Variants in CEP83 observed in about 807,000 individuals in gnomAD.
The protein encoded by CEP83 is centrosomal protein of 83 kDa.
In CEP83, 70 loss-of-function variants were observed where a neutral mutation model predicts 101.9. The observed-to-expected ratio is 0.69, with a 90% CI of 0.57 to 0.84. The LOEUF (loss-of-function observed/expected upper bound fraction) is 0.84, where lower values mean the gene tolerates loss of function less well. CEP83 is among the 40% of genes least tolerant of loss of function. The probability of loss-of-function intolerance (pLI) is 0.00; values close to 1 mark genes in which losing one functional copy is unlikely to be tolerated. For missense variants in CEP83, 715 were observed against 787.2 expected, an observed-to-expected ratio of 0.91 and a Z score of 1.10; for synonymous variants, 264 against 267.9, an observed-to-expected ratio of 0.99 and a Z score of 0.14.
intron 2 of CEP83, among the ~76,000 whole-genome samples, chr12:94,428,894 C>T (rs1269349285): frequency 1.3e-5 from 2 of 152,100 alleles, no homozygotes; most frequent in South Asian, 4.2e-4. Flanking sequence ...TTTCTAAGTA[C>T]CTTTAATATG....
intron 2 of CEP83, among the ~76,000 whole-genome samples, chr12:94,420,189 T>C (rs2064610939): frequency 6.6e-6 from 1 of 152,146 alleles, no homozygotes; most frequent in African/African-American, 2.4e-5. Flanking sequence ...TAGTGTAAAC[T>C]GGCATATTCA....
intron 2 of CEP83, among the ~76,000 whole-genome samples, chr12:94,416,038 C>CA (rs1179998037): frequency 6.6e-6 from 1 of 151,804 alleles, no homozygotes; most frequent in Non-Finnish European, 1.5e-5. Context: ...AAACTCAATA[C>CA]AAAAAATAAT....
chr12:94,449,052 A>C (rs1223211099), intron 1 of CEP83, among the ~76,000 whole-genome samples: 1 of 151,156 alleles, frequency 6.6e-6, no homozygotes, highest in African/African-American at 2.4e-5. Context: ...CACTATACTG[A>C]CCAAGAAAAT....
the CEP83 span, chr12:94,282,225 A>G: frequency 1.5e-5 from 14 of 955,806 alleles, no homozygotes; most frequent in Non-Finnish European, 2.0e-5. Flanking sequence ...AGTTTTAGTT[A>G]TCCATAAATT....
At chr12:94,268,922 T>A in the CEP83 span, among the ~76,000 whole-genome samples, 2 of 152,104 alleles carry the variant, frequency 1.3e-5, no homozygotes, top group South Asian at 4.2e-4. Context: ...CTCTGCTGGG[T>A]TTTTTTCCCC....
At chr12:94,319,785 T>C (rs952698019) in intron 14 of CEP83, among the ~76,000 whole-genome samples, 11 of 152,236 alleles carry the variant, frequency 7.2e-5, no homozygotes, top group African/African-American at 2.4e-4. Context: ...GTGGTCAATT[T>C]CAGAGTATGT....
At chr12:94,286,480 T>C in the CEP83 span, among the ~76,000 whole-genome samples, 1 of 152,132 alleles carries the variant, frequency 6.6e-6, no homozygotes. Context: ...GGGCTGAAGT[T>C]TGCTTTTACC....
chr12:94,351,873 G>T (rs867424162), intron 11 of CEP83, among the ~76,000 whole-genome samples: 10 of 152,246 alleles, frequency 6.6e-5, no homozygotes, highest in Middle Eastern at 3.4e-3. Context: ...CAACACCAAA[G>T]ACATGAGATT....
the CEP83 span, chr12:94,277,860 A>G: frequency 1.8e-5 from 8 of 443,478 alleles, no homozygotes; most frequent in Non-Finnish European, 2.7e-5. Context: ...TCTCCCTAAC[A>G]ATGCTAGAAG....
At chr12:94,353,904 T>C (rs962723487) in intron 11 of CEP83, among the ~76,000 whole-genome samples, 3 of 151,472 alleles carry the variant, frequency 2.0e-5, no homozygotes, top group Admixed American at 6.6e-5. Flanking sequence ...AAGTTCATTA[T>C]ATAATGGAAA....
chr12:94,371,169 G>A (rs946715219), intron 8 of CEP83, among the ~76,000 whole-genome samples: 1 of 152,144 alleles, frequency 6.6e-6, no homozygotes, highest in Admixed American at 6.5e-5. Flanking sequence ...GAATGGCAGG[G>A]AATAAACTTT....
At chr12:94,457,351 A>G (rs2067760613) in intron 1 of CEP83, among the ~76,000 whole-genome samples, 1 of 152,220 alleles carries the variant, frequency 6.6e-6, no homozygotes, top group Admixed American at 6.5e-5. Context: ...ATGGAACCTA[A>G]TATGTATGAC....
intron 14 of CEP83, among the ~76,000 whole-genome samples, chr12:94,318,190 T>C (rs1971034779): frequency 6.6e-6 from 1 of 152,174 alleles, no homozygotes; most frequent in Admixed American, 6.5e-5. Flanking sequence ...GTGAATGGGA[T>C]TGCATTCCTG....
intron 1 of CEP83, among the ~76,000 whole-genome samples, chr12:94,457,482 AATTAGAAC>A (rs2067772885): frequency 6.6e-6 from 1 of 152,250 alleles, no homozygotes; most frequent in Non-Finnish European, 1.5e-5. Flanking sequence ...AAGCTTCTTG[AATTAGAAC>A]ATCCCATGAC....
chr12:94,331,948 G>A, intron 13 of CEP83, 119 bp from the exon 14 acceptor site: 2 of 863,058 alleles, frequency 2.3e-6, no homozygotes, highest in Non-Finnish European at 3.6e-6. Context: ...TTATCCAACT[G>A]CAGGCCCTCC....
chr12:94,303,719 T>C (rs1968706238), downstream of CEP83: 1 of 1,265,800 alleles, frequency 7.9e-7, no homozygotes, highest in Non-Finnish European at 1.1e-6. Flanking sequence ...TTTTACTCTT[T>C]TGGTGATGGT....
intron 1 of CEP83, among the ~76,000 whole-genome samples, chr12:94,448,906 C>A (rs2067005036): frequency 6.7e-6 from 1 of 148,290 alleles, no homozygotes. Context: ...ATATTAAACC[C>A]AAAACAAGCA....
chr12:94,449,229 G>C (rs576272835), intron 1 of CEP83, among the ~76,000 whole-genome samples: 1 of 152,204 alleles, frequency 6.6e-6, no homozygotes, highest in African/African-American at 2.4e-5. Flanking sequence ...CTAGAAGAAA[G>C]AGAAAATCTG....
chr12:94,311,306 T>C (rs771389695), intron 15 of CEP83, among the ~76,000 whole-genome samples: 14 of 152,214 alleles, frequency 9.2e-5, no homozygotes, highest in Admixed American at 2.6e-4. Context: ...TTTTGTAATA[T>C]CCTTTCTAGT....
Sources: gnomAD v4.1 joint callset for allele counts (sites outside exome capture counted in the v4.1 genomes callset) on GRCh38, gnomAD v4.1.1 for gene constraint, MANE v1.5 for transcripts, NCBI Gene and HGNC (gene_info 2026-07-23, HGNC 2026-07-21) for gene names.